The following PRKAR2B variants were observed in gnomAD, a reference collection of about 807,000 sequenced individuals.
PRKAR2B encodes the protein cAMP-dependent protein kinase type II-beta regulatory subunit.
Under a neutral mutation model 49.9 loss-of-function variants are expected in PRKAR2B, and 14 were observed. That is an observed-to-expected ratio of 0.28 (90% CI 0.19 to 0.44). The LOEUF (loss-of-function observed/expected upper bound fraction) is 0.44. PRKAR2B is among the 20% of genes least tolerant of loss of function. The probability of loss-of-function intolerance (pLI) is 1.00; values close to 1 mark genes in which losing one functional copy is unlikely to be tolerated. For synonymous variants in PRKAR2B, 196 were observed against 197.7 expected (o/e 0.99, Z 0.07); for missense variants, 393 against 537.9 (o/e 0.73, Z 2.67).
At chr7:107,101,132 C>CTTGTT (rs1294832424) in intron 2 of PRKAR2B, among the ~76,000 whole-genome samples, 1 of 122,826 alleles carries the variant, frequency 8.1e-6, no homozygotes, top group African/African-American at 3.3e-5. Flanking sequence ...CAGGTTGTTG[C>CTTGTT]TTATTTTTTT....
At chr7:107,111,734 A>T (rs1048038144) in intron 2 of PRKAR2B, among the ~76,000 whole-genome samples, 1 of 152,074 alleles carries the variant, frequency 6.6e-6, no homozygotes, top group African/African-American at 2.4e-5. Context: ...ATTCAGATCA[A>T]ATTACTTGAT....
Position 107,159,451 on chromosome 7 carries a change from A to G in PRKAR2B, c.1126A>G (p.Met376Val). 2 of 1,613,600 alleles carry G rather than the reference A, an allele frequency of 1.2e-6. No individual in the cohort carries two copies. The highest frequency in any genetic ancestry group is 1.7e-6 in the Non-Finnish European group (2 of 1,179,864). Reference protein sequence around the residue: ...HAIGTVKCLAMDVQAFERLLG... With the variant: ...HAIGTVKCLAVDVQAFERLLG... ...AAAAAAATCTTCTCTTTTCTCAGCA[A>G]TGGATGTGCAAGCATTTGAAAGGCT... Residue 376 changes from methionine (M) to valine (V), a missense_variant and splice_region_variant, in exon 11 of 11, where the codon ATG becomes GTG. Around this residue, in one of 2 missense-constraint regions of PRKAR2B, gnomAD observed 233 missense variants for 390.4 expected, o/e 0.60. Transcript: ENST00000265717.
intron 7 of PRKAR2B, among the ~76,000 whole-genome samples, chr7:107,152,038 A>G (rs1160184678): frequency 1.3e-5 from 2 of 152,164 alleles, no homozygotes; most frequent in Non-Finnish European, 2.9e-5. Context: ...TCTCAAACCT[A>G]GTATGTCCCA....
At chr7:107,110,787 C>T (rs559621038) in intron 2 of PRKAR2B, among the ~76,000 whole-genome samples, 3 of 152,086 alleles carry the variant, frequency 2.0e-5, no homozygotes, top group Non-Finnish European at 4.4e-5. Flanking sequence ...ACACTGTGGA[C>T]CTTGGGTGAG....
At chr7:107,113,482 A>G (rs538055105) in intron 2 of PRKAR2B, among the ~76,000 whole-genome samples, 1 of 152,328 alleles carries the variant, frequency 6.6e-6, no homozygotes, top group African/African-American at 2.4e-5. Flanking sequence ...TCAGCAAAGT[A>G]CAAATATAGT....
chr7:107,096,219 C>T (rs1021059730), intron 2 of PRKAR2B, among the ~76,000 whole-genome samples: 1 of 152,158 alleles, frequency 6.6e-6, no homozygotes, highest in South Asian at 2.1e-4. Context: ...ACTTTTTCCT[C>T]GTTTAGTCCT....
At chr7:107,063,600 AG>A (rs1794069863) in intron 1 of PRKAR2B, among the ~76,000 whole-genome samples, 1 of 152,184 alleles carries the variant, frequency 6.6e-6, no homozygotes. Flanking sequence ...GCTTCCTGAG[AG>A]GGGGTTATTT....
At chr7:107,151,664 ACT>A (rs1795990427) in intron 7 of PRKAR2B, among the ~76,000 whole-genome samples, 1 of 152,176 alleles carries the variant, frequency 6.6e-6, no homozygotes, top group Non-Finnish European at 1.5e-5. Flanking sequence ...TGCTTAGGAC[ACT>A]CACATCAGCC....
At chr7:107,093,716 G>A (rs542714985) in intron 2 of PRKAR2B, among the ~76,000 whole-genome samples, 2 of 144,444 alleles carry the variant, frequency 1.4e-5, no homozygotes, top group Non-Finnish European at 3.0e-5. Context: ...CTGTGTCCAA[G>A]TGTTCTCATT....
chr7:107,060,124 TTATC>T (rs1177149765), intron 1 of PRKAR2B, among the ~76,000 whole-genome samples: 1 of 152,166 alleles, frequency 6.6e-6, no homozygotes, highest in African/African-American at 2.4e-5. Context: ...TTTTAAGTAT[TTATC>T]AGTTTTAATT....
chr7:107,045,132 C>T lies in PRKAR2B; in HGVS notation c.225C>T (p.Asn75=). The change falls in exon 1 of 11, where the codon AAC becomes AAT. Residue 75 remains asparagine (N), a synonymous_variant. Coordinates refer to ENST00000265717, the MANE Select transcript of PRKAR2B (RefSeq NM_002736.3). ...AGGGTPSKGV[N]FAEEPMQSDS... ...GCGGCACCCCCAGCAAGGGGGTCAA[C>T]TTCGCCGAGGAGCCCATGCAGTCCG... The T allele has an allele frequency of 3.3e-6, 5 of 1,522,026 alleles. No individual in the cohort carries two copies. The highest frequency in any genetic ancestry group is 4.4e-6 in the Non-Finnish European group (5 of 1,137,516). 94.3% of individuals were successfully genotyped at this position (1,522,026 alleles called of 1,614,324 possible).
intron 2 of PRKAR2B, among the ~76,000 whole-genome samples, chr7:107,101,875 CTTTTTT>C (rs10589473): frequency 1.1e-5 from 1 of 94,256 alleles, no homozygotes; most frequent in African/African-American, 4.3e-5. Flanking sequence ...AGCCCTGATC[CTTTTTT>C]TTTTTTTTTT....
At chr7:107,057,172 T>A (rs536256712) in intron 1 of PRKAR2B, among the ~76,000 whole-genome samples, 1 of 152,346 alleles carries the variant, frequency 6.6e-6, no homozygotes, top group African/African-American at 2.4e-5. Flanking sequence ...ACCCACTTGC[T>A]GTTTGGACTC....
intron 2 of PRKAR2B, among the ~76,000 whole-genome samples, chr7:107,095,357 C>T (rs563855424): frequency 6.6e-6 from 1 of 152,080 alleles, no homozygotes; most frequent in Non-Finnish European, 1.5e-5. Context: ...GATTTTGTAT[C>T]CTGAGAGTTT....
intron 2 of PRKAR2B, among the ~76,000 whole-genome samples, chr7:107,091,060 G>C (rs1794725218): frequency 6.6e-6 from 1 of 152,144 alleles, no homozygotes; most frequent in Non-Finnish European, 1.5e-5. Context: ...AGAACATTAA[G>C]AGCAGCCAAC....
chr7:107,155,915 A>G (rs1437808449), intron 8 of PRKAR2B, among the ~76,000 whole-genome samples: 1 of 152,258 alleles, frequency 6.6e-6, no homozygotes, highest in East Asian at 1.9e-4. Flanking sequence ...ACCATGGAGT[A>G]CTATGCAGCC....
In PRKAR2B at chr7:107,157,255, G is replaced by T; in HGVS notation, c.1054G>T (p.Glu352Ter). 1 of 1,614,224 alleles carries T rather than the reference G, an allele frequency of 6.2e-7. No homozygotes were observed. Among genetic ancestry groups the T allele is most frequent in the Non-Finnish European group, 8.5e-7 (1 of 1,180,042 alleles). ...ARCSRGQYFG[E>*]LALVTNKPRA... ...ATGCTCGCGGGGACAGTACTTTGGA[G>T]AGCTTGCCCTGGTAACTAACAAACC... Residue 352 changes from glutamate (E) to a stop codon, truncating the protein, a stop_gained, in exon 10 of 11, where the codon GAG (glutamate) becomes TAG (stop). Coordinates refer to ENST00000265717, the MANE Select transcript of PRKAR2B (RefSeq NM_002736.3). LOFTEE classifies it high-confidence loss of function.
intron 6 of PRKAR2B, among the ~76,000 whole-genome samples, chr7:107,147,624 A>G (rs1219601283): frequency 6.6e-6 from 1 of 152,196 alleles, no homozygotes; most frequent in Non-Finnish European, 1.5e-5. Flanking sequence ...GAGGCCCGTG[A>G]TTTTTGCATT....
At chr7:107,090,969 T>C (rs1794723155) in intron 2 of PRKAR2B, among the ~76,000 whole-genome samples, 1 of 152,212 alleles carries the variant, frequency 6.6e-6, no homozygotes, top group Admixed American at 6.5e-5. Context: ...ACACCACAAG[T>C]TTTTCAAAGA....
Sources: allele counts gnomAD v4.1 joint callset (sites outside exome capture counted in the v4.1 genomes callset), GRCh38; gene constraint gnomAD v4.1.1; regional missense constraint gnomAD v4.1.1; transcripts MANE v1.5; gene names NCBI Gene and HGNC (gene_info 2026-07-23, HGNC 2026-07-21).